FBXL7: variants seen among roughly 807,000 people sequenced by gnomAD.
FBXL7 encodes F-box/LRR-repeat protein 7.
In FBXL7, 12 loss-of-function variants were observed where a neutral mutation model predicts 38.3. The ratio of observed to expected loss-of-function variants is 0.31; its 90% CI spans 0.20 to 0.51. FBXL7 has a LOEUF of 0.51. FBXL7 is among the 20% of genes least tolerant of loss of function. The pLI, the probability that FBXL7 is intolerant of heterozygous loss-of-function variation, is 0.98. For missense variants in FBXL7, 567 were observed against 676.4 expected (o/e 0.84, Z 1.79); for synonymous variants, 297 against 300.9 (o/e 0.99, Z 0.13).
intron 1 of FBXL7, among the ~76,000 whole-genome samples, chr5:15,529,260 G>A (rs78749122): frequency 0.011 from 1,600 of 152,250 alleles, 34 homozygotes; most frequent in African/African-American, 0.037. Flanking sequence ...GCATTCTTTT[G>A]AAAGGCTGAA....
rs1398016727 is a variant in FBXL7 at position 15,937,006 on chromosome 5, G to T, written c.1296G>T (p.Arg432=). 13 of 1,614,008 alleles carry T rather than the reference G, an allele frequency of 8.1e-6. No homozygotes were observed. Among genetic ancestry groups the T allele is most frequent in the Non-Finnish European group, 1.0e-5 (12 of 1,179,894 alleles). Reference sequence around the variant, plus strand: ...CCCTGAACTGCTTCAACCTCAAGCGGCTCAGCCTCAAGTCCTGCGAGAGCA... The same window carrying T: ...CCCTGAACTGCTTCAACCTCAAGCGTCTCAGCCTCAAGTCCTGCGAGAGCA... ...CLALNCFNLK[R]LSLKSCESIT... is the part of the protein sequence containing the mutation. Residue 432 remains arginine, a synonymous_variant, in exon 4 of 4, where the codon CGG becomes CGT. Transcript: ENST00000504595.
At chr5:15,514,396 AT>A (rs1476701409) in intron 1 of FBXL7, among the ~76,000 whole-genome samples, 5 of 152,174 alleles carry the variant, frequency 3.3e-5, no homozygotes, top group Admixed American at 6.5e-5. Context: ...CCCCTCCCCC[AT>A]TAGGAATACC....
chr5:15,521,362 G>A (rs575542258), intron 1 of FBXL7, among the ~76,000 whole-genome samples: 61 of 152,310 alleles, frequency 4.0e-4, no homozygotes, highest in Non-Finnish European at 7.2e-4. Flanking sequence ...ACATAGCAGA[G>A]TTCTCATAGT....
At chr5:15,892,303 G>A (rs1299477030) in intron 2 of FBXL7, among the ~76,000 whole-genome samples, 1 of 152,228 alleles carries the variant, frequency 6.6e-6, no homozygotes, top group African/African-American at 2.4e-5. Context: ...TTGACACACG[G>A]TAGGGGCAGA....
At chr5:15,765,407 C>A (rs759046047) in intron 2 of FBXL7, among the ~76,000 whole-genome samples, 3 of 152,076 alleles carry the variant, frequency 2.0e-5, no homozygotes, top group Non-Finnish European at 4.4e-5. Flanking sequence ...CAAGCAGAGA[C>A]TTTAGTGTTA....
chr5:15,807,941 C>A (rs368829406), intron 2 of FBXL7, among the ~76,000 whole-genome samples: 2 of 152,058 alleles, frequency 1.3e-5, no homozygotes, highest in Non-Finnish European at 2.9e-5. Flanking sequence ...GAAAATCATG[C>A]GGCTTTTCTG....
intron 1 of FBXL7, among the ~76,000 whole-genome samples, chr5:15,566,894 GAT>G (rs1561030430): frequency 1.3e-5 from 2 of 152,134 alleles, no homozygotes; most frequent in Non-Finnish European, 2.9e-5. Context: ...CCTGTAGAAA[GAT>G]TGTCAGTGAA....
At chr5:15,874,686 C>T (rs1740123142) in intron 2 of FBXL7, among the ~76,000 whole-genome samples, 2 of 152,058 alleles carry the variant, frequency 1.3e-5, no homozygotes, top group South Asian at 4.1e-4. Flanking sequence ...GAATAAAATA[C>T]CTAGGAATAC....
At chr5:15,709,986 G>T (rs1478150238) in intron 2 of FBXL7, among the ~76,000 whole-genome samples, 1 of 152,074 alleles carries the variant, frequency 6.6e-6, no homozygotes, top group Non-Finnish European at 1.5e-5. Context: ...CTATCACACT[G>T]GGTCTTAGGT....
chr5:15,854,915 C>T (rs528300029), intron 2 of FBXL7, among the ~76,000 whole-genome samples: 1 of 152,174 alleles, frequency 6.6e-6, no homozygotes, highest in African/African-American at 2.4e-5. Context: ...CTAAATAATA[C>T]CCATCAATTT....
intron 2 of FBXL7, among the ~76,000 whole-genome samples, chr5:15,666,145 A>T (rs1349211425): frequency 6.6e-6 from 1 of 152,166 alleles, no homozygotes; most frequent in Non-Finnish European, 1.5e-5. Flanking sequence ...TCATAAATTG[A>T]TACATTTAAC....
intron 2 of FBXL7, among the ~76,000 whole-genome samples, chr5:15,627,370 T>A (rs1740852371): frequency 6.6e-6 from 1 of 151,908 alleles, no homozygotes; most frequent in Non-Finnish European, 1.5e-5. Flanking sequence ...GCTGTGTGAG[T>A]AGTCAGTGGA....
chr5:15,765,966 C>T (rs1437003684), intron 2 of FBXL7, among the ~76,000 whole-genome samples: 4 of 152,130 alleles, frequency 2.6e-5, no homozygotes, highest in Admixed American at 6.5e-5. Context: ...AATCAAGGTT[C>T]GTTCCCATAG....
intron 1 of FBXL7, among the ~76,000 whole-genome samples, chr5:15,595,034 A>G (rs572402185): frequency 2.0e-5 from 3 of 152,312 alleles, no homozygotes; most frequent in Non-Finnish European, 4.4e-5. Flanking sequence ...CATTGCCATC[A>G]GCAGCAGTAA....
intron 1 of FBXL7, among the ~76,000 whole-genome samples, chr5:15,504,190 C>A (rs937330238): frequency 2.6e-5 from 4 of 152,208 alleles, no homozygotes; most frequent in African/African-American, 9.6e-5. Context: ...GGTGTTTGTT[C>A]TCTAAAGTGA....
chr5:15,627,517 A>G (rs1443623495), intron 2 of FBXL7, among the ~76,000 whole-genome samples: 1 of 152,212 alleles, frequency 6.6e-6, no homozygotes, highest in African/African-American at 2.4e-5. Flanking sequence ...AAAGTGTGTT[A>G]AAGGACAGTC....
At chr5:15,509,104 A>G (rs1265848327) in intron 1 of FBXL7, among the ~76,000 whole-genome samples, 1 of 152,166 alleles carries the variant, frequency 6.6e-6, no homozygotes, top group African/African-American at 2.4e-5. Flanking sequence ...GGTCAGTGAT[A>G]TTTGATCAGA....
chr5:15,671,240 A>T (rs1031367716), intron 2 of FBXL7, among the ~76,000 whole-genome samples: 7 of 152,184 alleles, frequency 4.6e-5, no homozygotes, highest in African/African-American at 1.7e-4. Context: ...GTGTAGAATG[A>T]TATACTGGTT....
At chr5:15,758,758 A>C (rs374758016) in intron 2 of FBXL7, among the ~76,000 whole-genome samples, 1 of 152,096 alleles carries the variant, frequency 6.6e-6, no homozygotes, top group East Asian at 1.9e-4. Context: ...GTTGTGTGTG[A>C]TTGTAGGTAT....
Sources: gnomAD v4.1 joint callset for allele counts (sites outside exome capture counted in the v4.1 genomes callset) on GRCh38, gnomAD v4.1.1 for gene constraint, MANE v1.5 for transcripts, NCBI Gene and HGNC (gene_info 2026-07-23, HGNC 2026-07-21) for gene names.